Variants in PPM1L observed in about 807,000 individuals in gnomAD.
PPM1L encodes protein phosphatase 1L.
In PPM1L, 13 loss-of-function variants were observed where a neutral mutation model predicts 31.4. The ratio of observed to expected loss-of-function variants is 0.41; its 90% CI spans 0.27 to 0.66. PPM1L has a LOEUF of 0.66. Ranked by LOEUF, PPM1L falls within the 30% of genes least tolerant of loss-of-function variation. The pLI, the probability that PPM1L is intolerant of heterozygous loss-of-function variation, is 0.29. For synonymous variants in PPM1L, 184 were observed against 175.4 expected (o/e 1.05, Z -0.39); for missense variants, 326 against 453.7 (o/e 0.72, Z 2.56).
intron 1 of PPM1L, among the ~76,000 whole-genome samples, chr3:160,822,621 TATGA>T (rs1481822790): frequency 6.6e-6 from 1 of 152,112 alleles, no homozygotes; most frequent in African/African-American, 2.4e-5. Context: ...TGTTGAGCAT[TATGA>T]TAGTAAGTAT....
At chr3:161,063,336 T>C (rs1719628974) in intron 2 of PPM1L, among the ~76,000 whole-genome samples, 1 of 152,222 alleles carries the variant, frequency 6.6e-6, no homozygotes, top group African/African-American at 2.4e-5. Context: ...AGTCTTTTTT[T>C]TCCCCCAAGG....
At chr3:160,969,507 G>A (rs796643793) in intron 2 of PPM1L, among the ~76,000 whole-genome samples, 44 of 151,558 alleles carry the variant, frequency 2.9e-4, no homozygotes, top group African/African-American at 1.0e-3. Flanking sequence ...ATTATTTAGG[G>A]ACTTTCCAGG....
chr3:160,838,661 AT>A (rs1713785429), intron 1 of PPM1L, among the ~76,000 whole-genome samples: 1 of 152,206 alleles, frequency 6.6e-6, no homozygotes, highest in Admixed American at 6.5e-5. Flanking sequence ...TTTTCTAAAG[AT>A]TAATATAAGA....
chr3:160,945,145 C>CTATT (rs1715366737), intron 1 of PPM1L, among the ~76,000 whole-genome samples: 1 of 86,682 alleles, frequency 1.2e-5, no homozygotes, highest in African/African-American at 4.4e-5. Flanking sequence ...ATCTATCTAT[C>CTATT]TATCTATCTC....
At chr3:160,882,074 T>C (rs1322613167) in intron 1 of PPM1L, among the ~76,000 whole-genome samples, 1 of 151,902 alleles carries the variant, frequency 6.6e-6, no homozygotes. Context: ...AAGTATGTAT[T>C]CCATATCATT....
chr3:160,930,123 G>A (rs1714734940), intron 1 of PPM1L, among the ~76,000 whole-genome samples: 1 of 152,158 alleles, frequency 6.6e-6, no homozygotes. Context: ...TTTTGAATGT[G>A]GGTTAGGGCT....
chr3:160,891,475 T>G (rs1005540738), intron 1 of PPM1L, among the ~76,000 whole-genome samples: 1 of 152,098 alleles, frequency 6.6e-6, no homozygotes, highest in African/African-American at 2.4e-5. Context: ...AGAATGGTGA[T>G]TATTAAAAAG....
chr3:160,929,404 A>G (rs962768048), intron 1 of PPM1L, among the ~76,000 whole-genome samples: 1 of 152,212 alleles, frequency 6.6e-6, no homozygotes, highest in Non-Finnish European at 1.5e-5. Flanking sequence ...GACCTTTGAC[A>G]GTTAGAAACT....
intron 1 of PPM1L, among the ~76,000 whole-genome samples, chr3:160,790,880 G>A (rs1447685114): frequency 1.3e-5 from 2 of 152,060 alleles, no homozygotes; most frequent in Admixed American, 1.3e-4. Flanking sequence ...TATGTTTGAC[G>A]TGGGAAGGAA....
At chr3:161,014,907 ACTTACGGTGCAAAAT>A (rs901020814) in intron 2 of PPM1L, among the ~76,000 whole-genome samples, 1 of 152,220 alleles carries the variant, frequency 6.6e-6, no homozygotes, top group African/African-American at 2.4e-5. Context: ...GAAATCCACC[ACTTACGGTGCAAAAT>A]CATTATGCCT....
intron 1 of PPM1L, among the ~76,000 whole-genome samples, chr3:160,775,123 C>T (rs1450163454): frequency 2.0e-5 from 3 of 152,142 alleles, no homozygotes; most frequent in Non-Finnish European, 4.4e-5. Flanking sequence ...TTTGAGGCAA[C>T]GGTTGTTATC....
rs769454794 is a variant in PPM1L at position 160,965,912 on chromosome 3, T to TA, written c.574+4009dup. 8.7e-4 allele frequency among the ~76,000 whole-genome samples: 132 copies of TA among 152,192 alleles called. 2 individuals are homozygous for TA. Among genetic ancestry groups the TA allele is most frequent in the Non-Finnish European group, 1.5e-3 (99 of 67,980 alleles). On this transcript the variant is annotated intron_variant, in intron 2 of 3. Coordinates refer to ENST00000498165, the MANE Select transcript of PPM1L (RefSeq NM_139245.4). ...TTTGTAGCGTCTAAACTTCTATTAATAAAAAAACAATTAATGAAAAAAACA... is the reference window on the plus strand; with the variant it reads ...TTTGTAGCGTCTAAACTTCTATTAATAAAAAAAACAATTAATGAAAAAAACA...
At chr3:160,798,993 GAGAATT>G (rs1375099676) in intron 1 of PPM1L, among the ~76,000 whole-genome samples, 6 of 152,200 alleles carry the variant, frequency 3.9e-5, no homozygotes, top group Non-Finnish European at 7.4e-5. Flanking sequence ...TCAATAGCAA[GAGAATT>G]AGAATTAGAA....
intron 2 of PPM1L, among the ~76,000 whole-genome samples, chr3:160,991,471 C>G (rs911747420): frequency 3.3e-5 from 5 of 152,124 alleles, no homozygotes; most frequent in African/African-American, 1.2e-4. Flanking sequence ...AAAGAAGACT[C>G]TCAATTACAG....
intron 2 of PPM1L, among the ~76,000 whole-genome samples, chr3:161,020,045 G>A (rs1035616523): frequency 8.6e-5 from 13 of 150,612 alleles, no homozygotes; most frequent in Non-Finnish European, 1.9e-4. Context: ...AGAATCACTT[G>A]AACCCAGGAG....
chr3:160,976,278 G>A (rs1381235080), intron 2 of PPM1L, among the ~76,000 whole-genome samples: 1 of 147,986 alleles, frequency 6.8e-6, no homozygotes, highest in Non-Finnish European at 1.5e-5. Flanking sequence ...CGGTTTGCCA[G>A]TATTTTATTG....
chr3:160,914,695 G>A (rs1714098183), intron 1 of PPM1L, among the ~76,000 whole-genome samples: 1 of 152,056 alleles, frequency 6.6e-6, no homozygotes, highest in Non-Finnish European at 1.5e-5. Context: ...ATCATTGTTG[G>A]ACATTTGGCT....
chr3:160,820,731 A>G (rs1346681100), intron 1 of PPM1L, among the ~76,000 whole-genome samples: 2 of 151,924 alleles, frequency 1.3e-5, no homozygotes, highest in African/African-American at 2.4e-5. Flanking sequence ...ACTCATTTTC[A>G]CTGCTGTCCA....
Position 160,802,241 on chromosome 3 carries a change from C to G in PPM1L, c.399+45534C>G, listed in dbSNP as rs180879072. ...CCCTCATGGTTTTACCTTCCTTTCT[C>G]TCACCCTGGGTCCCTGGGTCCCTAA... On this transcript the variant is annotated intron_variant, in intron 1 of 3. Coordinates refer to ENST00000498165, the MANE Select transcript of PPM1L (RefSeq NM_139245.4). Among the ~76,000 whole-genome samples, 481 of 152,324 alleles carry G rather than the reference C, an allele frequency of 3.2e-3. 2 individuals carry two copies. The highest frequency in any genetic ancestry group is 7.7e-3 in the African/African-American group (320 of 41,568).
Sources: allele counts gnomAD v4.1 joint callset (sites outside exome capture counted in the v4.1 genomes callset), GRCh38; gene constraint gnomAD v4.1.1; transcripts MANE v1.5; gene names NCBI Gene and HGNC (gene_info 2026-07-23, HGNC 2026-07-21).